The following ENTREP1 variants were observed in gnomAD, a reference collection of about 807,000 sequenced individuals.
ENTREP1 encodes Friedreich ataxia region gene X123.
chr9:69,391,575 C>T, the ENTREP1 span: 1 of 1,606,938 alleles, frequency 6.2e-7, no homozygotes, highest in African/African-American at 1.3e-5. Flanking sequence ...TACTTAACTT[C>T]TCCCCACCCC....
chr9:69,359,812 A>G, the ENTREP1 span, among the ~76,000 whole-genome samples: 1 of 152,198 alleles, frequency 6.6e-6, no homozygotes, highest in Non-Finnish European at 1.5e-5. Context: ...AAAAGTACTA[A>G]GCTGGAGGAT....
At chr9:69,351,443 GTT>G in the ENTREP1 span, among the ~76,000 whole-genome samples, 1 of 150,808 alleles carries the variant, frequency 6.6e-6, no homozygotes, top group Non-Finnish European at 1.5e-5. Context: ...TTGAGACCAA[GTT>G]TCACTCTGTC....
chr9:69,383,397 TTTAA>T, the ENTREP1 span: 2 of 1,331,688 alleles, frequency 1.5e-6, no homozygotes, highest in Non-Finnish European at 1.9e-6. Flanking sequence ...GACTGATGGG[TTTAA>T]AAGCAATGAT....
At chr9:69,383,436 T>C in the ENTREP1 span, 548 of 1,448,672 alleles carry the variant, frequency 3.8e-4, 3 homozygotes, top group African/African-American at 7.3e-3. Context: ...TACACTGTCA[T>C]TTGCTTAAGG....
the ENTREP1 span, among the ~76,000 whole-genome samples, chr9:69,390,325 A>G: frequency 6.6e-6 from 1 of 152,242 alleles, no homozygotes; most frequent in Middle Eastern, 3.2e-3. Flanking sequence ...TTAGGTAACA[A>G]TAAAGCCCCA....
At chr9:69,383,354 C>T in the ENTREP1 span, 1 of 1,195,548 alleles carries the variant, frequency 8.4e-7, no homozygotes, top group Non-Finnish European at 1.0e-6. Context: ...AGCCACTAAT[C>T]TGCTCTGTGT....
At chr9:69,367,165 T>G in the ENTREP1 span, among the ~76,000 whole-genome samples, 3 of 151,224 alleles carry the variant, frequency 2.0e-5, no homozygotes, top group South Asian at 6.3e-4. Context: ...GTCCTGGGCT[T>G]GAGTGGTCCT....
chr9:69,353,741 T>C, the ENTREP1 span, among the ~76,000 whole-genome samples: 2 of 152,234 alleles, frequency 1.3e-5, no homozygotes, highest in African/African-American at 4.8e-5. Context: ...CTATCAAGAT[T>C]CGCTTATGGC....
At chr9:69,344,588 C>G in the ENTREP1 span, among the ~76,000 whole-genome samples, 1 of 152,068 alleles carries the variant, frequency 6.6e-6, no homozygotes, top group African/African-American at 2.4e-5. Context: ...GCAGTGGGGC[C>G]CTGCCTCTGG....
At chr9:69,361,524 T>C in the ENTREP1 span, among the ~76,000 whole-genome samples, 3 of 152,212 alleles carry the variant, frequency 2.0e-5, no homozygotes, top group Admixed American at 2.0e-4. Context: ...AATTTGTTCA[T>C]CCATTCTTCT....
the ENTREP1 span, among the ~76,000 whole-genome samples, chr9:69,335,547 C>G: frequency 2.0e-5 from 3 of 152,126 alleles, no homozygotes; most frequent in Admixed American, 6.5e-5. Flanking sequence ...GTGGAGGGGC[C>G]AGGGTATGTA....
At chr9:69,330,374 C>T in the ENTREP1 span, among the ~76,000 whole-genome samples, 4 of 152,300 alleles carry the variant, frequency 2.6e-5, no homozygotes, top group African/African-American at 7.2e-5. Flanking sequence ...TTTTACTCCT[C>T]TCTGAGTGCC....
the ENTREP1 span, among the ~76,000 whole-genome samples, chr9:69,357,184 T>C: frequency 6.6e-6 from 1 of 151,530 alleles, no homozygotes; most frequent in Non-Finnish European, 1.5e-5. Flanking sequence ...GGACCCGGGA[T>C]AGGGCAGAAT....
chr9:69,375,681 C>T, the ENTREP1 span: 3 of 1,410,270 alleles, frequency 2.1e-6, no homozygotes, highest in African/African-American at 1.4e-5. Context: ...ATGGTAGAGC[C>T]AGGGTATTTT....
chr9:69,377,658 C>A, the ENTREP1 span: 1 of 1,614,004 alleles, frequency 6.2e-7, no homozygotes, highest in Non-Finnish European at 8.5e-7. Context: ...ATGGACGCAT[C>A]CCCGACCCTG....
the ENTREP1 span, among the ~76,000 whole-genome samples, chr9:69,347,859 T>C: frequency 1.3e-5 from 2 of 152,248 alleles, no homozygotes; most frequent in East Asian, 3.9e-4. Flanking sequence ...GGAAGAATGA[T>C]TGATATTAAA....
At chr9:69,337,989 G>A in the ENTREP1 span, among the ~76,000 whole-genome samples, 1 of 152,124 alleles carries the variant, frequency 6.6e-6, no homozygotes, top group Admixed American at 6.5e-5. Context: ...CGGAATCTTT[G>A]TGTGTCAGAA....
chr9:69,373,472 AT>A, the ENTREP1 span, among the ~76,000 whole-genome samples: 13 of 151,424 alleles, frequency 8.6e-5, no homozygotes, highest in Non-Finnish European at 1.8e-4. Context: ...GTCGTTCATG[AT>A]TTTTTTTTAA....
At chr9:69,335,733 T>G in the ENTREP1 span, among the ~76,000 whole-genome samples, 2 of 120,762 alleles carry the variant, frequency 1.7e-5, no homozygotes, top group Admixed American at 1.7e-4. Context: ...ACAGGGAGCT[T>G]GACTGAGAAA....
Sources: allele counts gnomAD v4.1 joint callset (sites outside exome capture counted in the v4.1 genomes callset), GRCh38; gene constraint gnomAD v4.1.1; transcripts MANE v1.5; gene names NCBI Gene and HGNC (gene_info 2026-07-23, HGNC 2026-07-21).